The following NELL1 variants were observed in gnomAD, a reference collection of about 807,000 sequenced individuals.
NELL1 encodes protein kinase C-binding protein NELL1.
A neutral mutation model predicts 107.4 loss-of-function variants in NELL1; 76 were observed. The observed-to-expected ratio is 0.71, with a 90% confidence interval of 0.59 to 0.86. The LOEUF is 0.86. NELL1 is among the 40% of genes least tolerant of loss of function. NELL1 has a pLI of 0.00. For synonymous variants in NELL1, 353 were observed against 341.2 expected (o/e 1.03, Z -0.38); for missense variants, 1,024 against 1,005.5 (o/e 1.02, Z -0.25).
At chr11:21,441,183 A>C (rs1378860001) in intron 15 of NELL1, among the ~76,000 whole-genome samples, 1 of 152,084 alleles carries the variant, frequency 6.6e-6, no homozygotes, top group Non-Finnish European at 1.5e-5. Context: ...CTCCATTCCA[A>C]ACTTTGGCTG....
intron 14 of NELL1, among the ~76,000 whole-genome samples, chr11:21,343,041 A>G (rs575165405): frequency 9.2e-5 from 14 of 152,254 alleles, no homozygotes; most frequent in East Asian, 1.9e-4. Flanking sequence ...CGCTTGGACT[A>G]TTCAACTGCC....
intron 13 of NELL1, among the ~76,000 whole-genome samples, chr11:21,151,464 T>G (rs1856115801): frequency 6.6e-6 from 1 of 152,110 alleles, no homozygotes; most frequent in African/African-American, 2.4e-5. Context: ...ATGCTGCGTG[T>G]TGATGGTGCG....
At chr11:21,159,149 T>C (rs750346705) in intron 13 of NELL1, among the ~76,000 whole-genome samples, 115 of 152,176 alleles carry the variant, frequency 7.6e-4, no homozygotes, top group Non-Finnish European at 1.2e-3. Flanking sequence ...TTCCATGTTC[T>C]CTAGAACTGA....
intron 3 of NELL1, among the ~76,000 whole-genome samples, chr11:20,819,849 C>A (rs1857711206): frequency 6.6e-6 from 1 of 152,192 alleles, no homozygotes; most frequent in Non-Finnish European, 1.5e-5. Context: ...AAAATAGTTT[C>A]ATTTTTCATC....
At chr11:20,693,069 T>C (rs1392500895) in intron 2 of NELL1, among the ~76,000 whole-genome samples, 3 of 151,982 alleles carry the variant, frequency 2.0e-5, no homozygotes, top group Non-Finnish European at 4.4e-5. Flanking sequence ...TTGATCTTTG[T>C]TGGTTTAAAG....
intron 2 of NELL1, among the ~76,000 whole-genome samples, chr11:20,758,036 C>G (rs890462127): frequency 6.6e-6 from 1 of 152,162 alleles, no homozygotes; most frequent in African/African-American, 2.4e-5. Context: ...AGAGAGGGGC[C>G]AAGCTCCCTG....
chr11:21,296,523 T>G (rs1246253305), intron 14 of NELL1, among the ~76,000 whole-genome samples: 1 of 151,938 alleles, frequency 6.6e-6, no homozygotes, highest in Non-Finnish European at 1.5e-5. Flanking sequence ...AAAATACAAA[T>G]GTAAATACTG....
intron 2 of NELL1, among the ~76,000 whole-genome samples, chr11:20,709,636 G>T (rs1855062068): frequency 6.6e-6 from 1 of 152,044 alleles, no homozygotes; most frequent in Non-Finnish European, 1.5e-5. Context: ...TTGGCACTAA[G>T]GTCATTTTCA....
chr11:21,097,764 A>G (rs551653882), intron 12 of NELL1, among the ~76,000 whole-genome samples: 4 of 152,254 alleles, frequency 2.6e-5, no homozygotes, highest in African/African-American at 4.8e-5. Context: ...AGAAAGATTT[A>G]TTTTGTCTTA....
In NELL1 at chr11:21,177,577, A is replaced by G. The variant is rs958040089; in HGVS notation, c.1427-51755A>G. ...AACAGTGAATAATACTGAAATGCACATGCAAGTGTAGACATGTCTTTGACA... is the reference window on the plus strand; with the variant it reads ...AACAGTGAATAATACTGAAATGCACGTGCAAGTGTAGACATGTCTTTGACA... On this transcript the variant is annotated intron_variant, in intron 13 of 19. Transcript: ENST00000357134. 7.2e-5 allele frequency among the ~76,000 whole-genome samples: 11 copies of G among 151,880 alleles called. 1 individual carries two copies. Among genetic ancestry groups the G allele is most frequent in the Admixed American group, 5.9e-4 (9 of 15,260 alleles).
chr11:20,735,229 A>G (rs902481329), intron 2 of NELL1, among the ~76,000 whole-genome samples: 3 of 152,188 alleles, frequency 2.0e-5, no homozygotes, highest in African/African-American at 7.2e-5. Context: ...AAATTGTCCA[A>G]TGGCTTGGGA....
At chr11:20,894,638 G>A (rs1401254736) in intron 5 of NELL1, among the ~76,000 whole-genome samples, 1 of 152,162 alleles carries the variant, frequency 6.6e-6, no homozygotes, top group Non-Finnish European at 1.5e-5. Flanking sequence ...GCAAGGATGT[G>A]GAACAACTGG....
chr11:21,113,318 G>A (rs996525562), intron 12 of NELL1, among the ~76,000 whole-genome samples: 3 of 151,850 alleles, frequency 2.0e-5, no homozygotes, highest in Non-Finnish European at 2.9e-5. Context: ...TATTCTCCTT[G>A]GTAAGAAACT....
chr11:21,404,011 C>CCCG (rs1554905743), intron 15 of NELL1, among the ~76,000 whole-genome samples: 1 of 109,482 alleles, frequency 9.1e-6, no homozygotes, highest in Non-Finnish European at 1.9e-5. Flanking sequence ...CTGAACCCCC[C>CCCG]CCCCCGCAAT....
chr11:21,242,448 A>C (rs1193399062), intron 14 of NELL1, among the ~76,000 whole-genome samples: 1 of 152,094 alleles, frequency 6.6e-6, no homozygotes, highest in East Asian at 1.9e-4. Context: ...GGCCACACCG[A>C]ACAATAAAAC....
At chr11:21,487,433 C>A (rs1854663518) in intron 15 of NELL1, among the ~76,000 whole-genome samples, 1 of 151,430 alleles carries the variant, frequency 6.6e-6, no homozygotes, top group African/African-American at 2.4e-5. Flanking sequence ...ACAAGATGAG[C>A]CCTACTAAAA....
At chr11:20,768,825 T>C (rs558763965) in intron 2 of NELL1, among the ~76,000 whole-genome samples, 2 of 152,260 alleles carry the variant, frequency 1.3e-5, no homozygotes, top group South Asian at 4.1e-4. Context: ...AGTATGGCCG[T>C]GCCCCCATCT....
At chr11:21,378,820 C>T (rs928728992) in intron 15 of NELL1, among the ~76,000 whole-genome samples, 6 of 150,546 alleles carry the variant, frequency 4.0e-5, no homozygotes, top group South Asian at 2.1e-4. Context: ...TGGGTTCAAG[C>T]GATTCTTGTG....
chr11:21,261,221 G>A (rs1848524932), intron 14 of NELL1, among the ~76,000 whole-genome samples: 1 of 151,174 alleles, frequency 6.6e-6, no homozygotes, highest in Non-Finnish European at 1.5e-5. Context: ...TTCAAGGTCA[G>A]GGGTACAAGT....
Sources: gnomAD v4.1 joint callset for allele counts (sites outside exome capture counted in the v4.1 genomes callset) on GRCh38, gnomAD v4.1.1 for gene constraint, MANE v1.5 for transcripts, NCBI Gene and HGNC (gene_info 2026-07-23, HGNC 2026-07-21) for gene names.